The following FUBP3 variants were observed in gnomAD, a reference collection of about 807,000 sequenced individuals.
FUBP3 encodes far upstream element binding protein 3, also known as far upstream element-binding protein 3.
FUBP3 carries 28 observed loss-of-function variants against 85.6 expected under a neutral mutation model. The ratio of observed to expected loss-of-function variants is 0.33; its 90% CI spans 0.24 to 0.45. The LOEUF is 0.45. Among genes scored for constraint, FUBP3 ranks in the 20% least tolerant of loss-of-function variants. The pLI is 1.00. For synonymous variants in FUBP3, 271 were observed against 271.4 expected, an observed-to-expected ratio of 1.00 and a Z score of 0.01; for missense variants, 583 against 755.1, an observed-to-expected ratio of 0.77 and a Z score of 2.67.
At chr9:130,610,963 T>G (rs1377238505) in intron 3 of FUBP3, among the ~76,000 whole-genome samples, 4 of 152,234 alleles carry the variant, frequency 2.6e-5, no homozygotes, top group Non-Finnish European at 5.9e-5. Flanking sequence ...GTCAGGATTT[T>G]CTTTTCCAAG....
In FUBP3 at chr9:130,637,536, A is replaced by G. The variant is rs1228056923; in HGVS notation, c.*514A>G. 6.1e-6 allele frequency: 1 copy of G among 164,772 alleles called. No individual in the cohort carries two copies. Among genetic ancestry groups the G allele is most frequent in the East Asian group, 1.7e-4 (1 of 5,750 alleles). The allele number at this position is 164,772 out of a possible 1,614,324, so 10.2% of individuals were successfully genotyped here. Reference sequence around the variant, plus strand: ...GTCTGGTTTTATTGCATTTTTAAAAAAACTGAACTATTATGTATTGTAATG... The same window carrying G: ...GTCTGGTTTTATTGCATTTTTAAAAGAACTGAACTATTATGTATTGTAATG... On this transcript the variant is annotated 3_prime_UTR_variant, in exon 19 of 19. Transcript: ENST00000319725.
chr9:130,636,722 G>C (rs916824499), intron 18 of FUBP3, among the ~76,000 whole-genome samples: 1 of 152,222 alleles, frequency 6.6e-6, no homozygotes, highest in African/African-American at 2.4e-5. Context: ...TAACATTTCA[G>C]TTACCTCCTG....
chr9:130,623,927 T>C (rs976815933), intron 11 of FUBP3, among the ~76,000 whole-genome samples: 1 of 152,222 alleles, frequency 6.6e-6, no homozygotes, highest in Non-Finnish European at 1.5e-5. Flanking sequence ...ACCATCTAGA[T>C]TGCCTTTACA....
chr9:130,623,181 A>G (rs1161814702), intron 10 of FUBP3, among the ~76,000 whole-genome samples: 1 of 152,194 alleles, frequency 6.6e-6, no homozygotes, highest in East Asian at 1.9e-4. Flanking sequence ...AACCACACAC[A>G]AAGACAAAAC....
chr9:130,585,689 T>C (rs1187566230), intron 1 of FUBP3, among the ~76,000 whole-genome samples: 2 of 152,256 alleles, frequency 1.3e-5, no homozygotes, highest in African/African-American at 4.8e-5. Flanking sequence ...GTCCTGAAGT[T>C]AGATCACTTC....
intron 6 of FUBP3, 113 bp downstream of exon 6, chr9:130,614,458 A>G (rs1831900757): frequency 3.1e-6 from 2 of 643,424 alleles, no homozygotes; most frequent in African/African-American, 3.6e-5. Flanking sequence ...CAGTCTGGCC[A>G]CACAGGTAGA....
At chr9:130,588,096 G>C (rs56830738) in intron 1 of FUBP3, among the ~76,000 whole-genome samples, 1 of 152,106 alleles carries the variant, frequency 6.6e-6, no homozygotes, top group East Asian at 1.9e-4. Context: ...GTTGTGCTGG[G>C]TGCCAGGCAA....
chr9:130,606,206 G>A (rs1485938649), intron 2 of FUBP3, among the ~76,000 whole-genome samples: 1 of 152,090 alleles, frequency 6.6e-6, no homozygotes, highest in Non-Finnish European at 1.5e-5. Context: ...AAAACGCCCT[G>A]AATCCTCACC....
intron 13 of FUBP3, chr9:130,631,339 C>G: frequency 1.1e-5 from 15 of 1,410,152 alleles, no homozygotes; most frequent in Non-Finnish European, 1.4e-5. Flanking sequence ...TGTGGTGGTG[C>G]CAGGACTGGC....
chr9:130,585,180 T>C (rs2119000357), intron 1 of FUBP3, among the ~76,000 whole-genome samples: 1 of 152,260 alleles, frequency 6.6e-6, no homozygotes, highest in Middle Eastern at 3.4e-3. Context: ...AAAAGATTTC[T>C]GGTTTCCCTA....
chr9:130,582,640 C>T (rs891205643), intron 1 of FUBP3, among the ~76,000 whole-genome samples: 5 of 152,208 alleles, frequency 3.3e-5, no homozygotes, highest in Admixed American at 3.3e-4. Flanking sequence ...TCCTGTTCCA[C>T]AGCCGTCCTC....
At chr9:130,582,574 A>C (rs938407810) in intron 1 of FUBP3, among the ~76,000 whole-genome samples, 1 of 152,236 alleles carries the variant, frequency 6.6e-6, no homozygotes, top group African/African-American at 2.4e-5. Context: ...TTGGCTGGTT[A>C]GCAGAAGTAG....
chr9:130,600,781 T>C (rs1300047122), intron 2 of FUBP3, among the ~76,000 whole-genome samples: 1 of 152,072 alleles, frequency 6.6e-6, no homozygotes, highest in African/African-American at 2.4e-5. Flanking sequence ...GAGACCAGCC[T>C]GGGCAATATA....
At chr9:130,595,226 C>CAAA (rs10585883) in intron 1 of FUBP3, among the ~76,000 whole-genome samples, 2 of 100,880 alleles carry the variant, frequency 2.0e-5, no homozygotes, top group African/African-American at 3.6e-5. Context: ...AACTCCGTCT[C>CAAA]AAAAAAAAAA....
At chr9:130,631,906 G>A (rs369750625) in intron 14 of FUBP3, 36 bp from the exon 15 acceptor site, 5 of 1,464,256 alleles carry the variant, frequency 3.4e-6, no homozygotes, top group Admixed American at 1.7e-5. Flanking sequence ...TCTGTTGTGA[G>A]GCGCTCAGTC....
In FUBP3 at chr9:130,637,861, C is replaced by T. The variant is rs1338039998; in HGVS notation, c.*839C>T. ...ATAACTTTTAACACACACTGTGGAA[C>T]ATTAAACCGTATAAAAATGTAGTTA... is the stretch of plus-strand genomic sequence containing the variant. On this transcript the variant is annotated 3_prime_UTR_variant, in exon 19 of 19. Coordinates refer to ENST00000319725, the MANE Select transcript of FUBP3 (RefSeq NM_003934.2). The T allele has an allele frequency of 6.6e-6, 1 of 152,534 alleles. No homozygotes were observed. Among genetic ancestry groups the T allele is most frequent in the Admixed American group, 6.5e-5 (1 of 15,270 alleles). 9.4% of individuals were successfully genotyped at this position (152,534 alleles called of 1,614,324 possible).
chr9:130,587,080 T>G (rs1224475880), intron 1 of FUBP3, among the ~76,000 whole-genome samples: 64 of 149,966 alleles, frequency 4.3e-4, no homozygotes, highest in Non-Finnish European at 1.0e-4. Flanking sequence ...TTGTTTGTTT[T>G]TTTGAGATGG....
chr9:130,613,205 A>C (rs1262571030), intron 5 of FUBP3, among the ~76,000 whole-genome samples, 178 bp downstream of exon 5: 1 of 152,250 alleles, frequency 6.6e-6, no homozygotes, highest in Non-Finnish European at 1.5e-5. Context: ...GTGGGCCCGG[A>C]GATAAGGCCT....
rs150352613 is a variant in FUBP3, at chr9:130,614,942, A to C, written c.404+597A>C. On this transcript the variant is annotated intron_variant, in intron 6 of 18. Coordinates refer to ENST00000319725, the MANE Select transcript of FUBP3 (RefSeq NM_003934.2). ...TACCAGGTGCAGGTGTCATAAATCCAAGAATCTCCTGGGAAAGGGAAACAT... is the reference window on the plus strand; with the variant it reads ...TACCAGGTGCAGGTGTCATAAATCCCAGAATCTCCTGGGAAAGGGAAACAT... 6.1e-4 allele frequency among the ~76,000 whole-genome samples: 93 copies of C among 152,300 alleles called. 1 individual carries two copies. Among genetic ancestry groups the C allele is most frequent in the African/African-American group, 2.2e-3 (92 of 41,556 alleles).
Sources: gnomAD v4.1 joint callset for allele counts (sites outside exome capture counted in the v4.1 genomes callset) on GRCh38, gnomAD v4.1.1 for gene constraint, MANE v1.5 for transcripts, NCBI Gene and HGNC (gene_info 2026-07-23, HGNC 2026-07-21) for gene names.